Variants in FANCC observed in about 807,000 individuals in gnomAD.
FANCC encodes the protein Fanconi anemia group C protein.
Under a neutral mutation model 71.3 loss-of-function variants are expected in FANCC, and 55 were observed. The ratio of observed to expected loss-of-function variants is 0.77; its 90% CI spans 0.62 to 0.97. The LOEUF is 0.97. Ranked by LOEUF, FANCC falls within the 50% of genes least tolerant of loss-of-function variation. The pLI is 0.00. For missense variants in FANCC, 678 were observed against 670.9 expected (o/e 1.01, Z -0.12); for synonymous variants, 275 against 244.9 (o/e 1.12, Z -1.15).
At chr9:95,300,054 C>T (rs1391843113) in intron 1 of FANCC, among the ~76,000 whole-genome samples, 1 of 152,170 alleles carries the variant, frequency 6.6e-6, no homozygotes. Context: ...CACACAAAAG[C>T]CACTTGATAT....
chr9:95,210,130 A>C, intron 4 of FANCC, among the ~76,000 whole-genome samples: 1 of 152,202 alleles, frequency 6.6e-6, no homozygotes, highest in East Asian at 1.9e-4. Context: ...AAATTTTAGA[A>C]ACAGGAAAAA....
At chr9:95,178,582 C>T (rs1826154866) in intron 4 of FANCC, among the ~76,000 whole-genome samples, 1 of 152,228 alleles carries the variant, frequency 6.6e-6, no homozygotes, top group Non-Finnish European at 1.5e-5. Context: ...CACAACCAGG[C>T]TGACTGGCGC....
intron 2 of FANCC, 103 bp downstream of exon 2, chr9:95,249,024 T>C (rs1333586861): frequency 1.6e-6 from 2 of 1,238,118 alleles, no homozygotes; most frequent in African/African-American, 1.5e-5. Context: ...GGCACTTCAG[T>C]CAATACCACA....
intron 1 of FANCC, among the ~76,000 whole-genome samples, chr9:95,302,644 G>T (rs1172431137): frequency 9.2e-5 from 14 of 152,192 alleles, no homozygotes; most frequent in Admixed American, 9.2e-4. Context: ...AGAGCAGTGG[G>T]GTTCTGACAG....
rs4647479 is a variant in FANCC, at chr9:95,186,348, G to A, written c.346-14201C>T. ...GCAGGGGCCTGACCTGTGCATTCCC[G>A]CCTTCTACCTCCTCAATGCCAGGAG... On this transcript the variant is annotated intron_variant, in intron 4 of 14. Transcript: ENST00000289081. Among the ~76,000 whole-genome samples, 24 of 152,300 alleles carry A rather than the reference G, an allele frequency of 1.6e-4. No individual in the cohort carries two copies. The South Asian group carries it at 4.3e-3, about 28-fold the overall frequency.
intron 13 of FANCC, chr9:95,110,739 A>G: frequency 9.1e-7 from 1 of 1,096,188 alleles, no homozygotes; most frequent in African/African-American, 1.6e-5. Flanking sequence ...TAAGATCAGC[A>G]TAGAGCACTG....
intron 10 of FANCC, chr9:95,123,259 A>C (rs951997628): frequency 3.8e-6 from 1 of 265,824 alleles, no homozygotes; most frequent in African/African-American, 2.3e-5. Flanking sequence ...AGCCATGATC[A>C]TACCACTGCA....
chr9:95,165,159 CTCT>C (rs1242053959), intron 6 of FANCC, among the ~76,000 whole-genome samples: 1 of 151,504 alleles, frequency 6.6e-6, no homozygotes, highest in Non-Finnish European at 1.5e-5. Flanking sequence ...ATTAAGTCTT[CTCT>C]TTTTTTTTCT....
intron 6 of FANCC, among the ~76,000 whole-genome samples, chr9:95,159,030 G>C (rs1158664998): frequency 6.6e-6 from 1 of 151,732 alleles, no homozygotes; most frequent in Admixed American, 6.6e-5. Flanking sequence ...AATTTTTTTT[G>C]ACCTTTTTTT....
At chr9:95,185,108 C>T (rs1211210438) in intron 4 of FANCC, among the ~76,000 whole-genome samples, 1 of 152,148 alleles carries the variant, frequency 6.6e-6, no homozygotes, top group Non-Finnish European at 1.5e-5. Context: ...GGTGATAAAA[C>T]TATTATAGAA....
intron 7 of FANCC, among the ~76,000 whole-genome samples, chr9:95,142,025 T>C (rs1828818456): frequency 1.6e-5 from 2 of 128,254 alleles, no homozygotes; most frequent in African/African-American, 5.7e-5. Context: ...AGAGTTTTGC[T>C]CTTGTCGCCC....
chr9:95,194,701 G>A (rs1827314053), intron 4 of FANCC, among the ~76,000 whole-genome samples: 1 of 151,886 alleles, frequency 6.6e-6, no homozygotes, highest in Non-Finnish European at 1.5e-5. Context: ...TTCTAACTGG[G>A]TTGTTTTTTA....
Position 95,134,207 on chromosome 9 carries a change from C to T in FANCC, c.843+1139G>A, listed in dbSNP as rs373076380. Among the ~76,000 whole-genome samples, 47 of 152,188 alleles carry T rather than the reference C, an allele frequency of 3.1e-4. 1 individual carries two copies. In the East Asian group the frequency reaches 4.8e-3, roughly 16 times the overall value. On this transcript the variant is annotated intron_variant, in intron 8 of 14. Transcript: ENST00000289081. ...TGAAACAAGGGGAGAAACGGGATCGCGGAGGAAGGCAACTGATTCCATTAG... is the reference window on the plus strand; with the variant it reads ...TGAAACAAGGGGAGAAACGGGATCGTGGAGGAAGGCAACTGATTCCATTAG...
chr9:95,139,288 C>T (rs956853132), intron 7 of FANCC, among the ~76,000 whole-genome samples: 1 of 152,186 alleles, frequency 6.6e-6, no homozygotes, highest in African/African-American at 2.4e-5. Context: ...AGAGTGACAA[C>T]ACCCAGTGCT....
intron 7 of FANCC, among the ~76,000 whole-genome samples, chr9:95,137,119 G>T (rs991614952): frequency 6.6e-6 from 1 of 152,176 alleles, no homozygotes; most frequent in Admixed American, 6.5e-5. Context: ...GCCTCCCACC[G>T]ACCCAACAAC....
chr9:95,157,605 T>C (rs796265415), intron 6 of FANCC, among the ~76,000 whole-genome samples: 34 of 152,320 alleles, frequency 2.2e-4, no homozygotes, highest in African/African-American at 7.9e-4. Context: ...CAGAAATTAT[T>C]TGGAAGTGCT....
At chr9:95,301,950 C>T (rs914771358) in intron 1 of FANCC, among the ~76,000 whole-genome samples, 41 of 149,250 alleles carry the variant, frequency 2.7e-4, no homozygotes, top group African/African-American at 9.3e-4. Context: ...GGCGCGGTGG[C>T]GGGCGCCTGT....
At chr9:95,214,404 C>T (rs977846173) in intron 4 of FANCC, among the ~76,000 whole-genome samples, 7 of 151,996 alleles carry the variant, frequency 4.6e-5, no homozygotes, top group African/African-American at 1.7e-4. Flanking sequence ...TGCACTCTAG[C>T]CTGGGAAACA....
chr9:95,189,398 T>C (rs961538529), intron 4 of FANCC, among the ~76,000 whole-genome samples: 1 of 152,194 alleles, frequency 6.6e-6, no homozygotes, highest in Non-Finnish European at 1.5e-5. Flanking sequence ...GTTGTTTACA[T>C]AGCCTATTCC....
Sources: allele counts gnomAD v4.1 joint callset (sites outside exome capture counted in the v4.1 genomes callset), GRCh38; gene constraint gnomAD v4.1.1; transcripts MANE v1.5; gene names NCBI Gene and HGNC (gene_info 2026-07-23, HGNC 2026-07-21).